The following NKTR variants were observed in gnomAD, a reference collection of about 807,000 sequenced individuals.
NKTR encodes NK-tumor recognition protein.
A neutral mutation model predicts 156.3 loss-of-function variants in NKTR; 67 were observed. The ratio of observed to expected loss-of-function variants is 0.43; its 90% CI spans 0.35 to 0.53. NKTR has a LOEUF of 0.53. NKTR is among the 20% of genes least tolerant of loss of function. The pLI is 0.01. For missense variants in NKTR, 1,604 were observed against 1,730.9 expected (o/e 0.93, Z 1.30); for synonymous variants, 640 against 596.6 (o/e 1.07, Z -1.06).
rs749415788 is a variant in NKTR, at chr3:42,631,135, T to C, written c.405-36T>C. ...TTGATTACTGTTTATAGCTTAATTATCAAACCAGTTGTTTCTTGAATTTGT... is the reference window on the plus strand; with the variant it reads ...TTGATTACTGTTTATAGCTTAATTACCAAACCAGTTGTTTCTTGAATTTGT... On this transcript the variant is annotated intron_variant, in intron 7 of 16. Coordinates refer to ENST00000232978, the MANE Select transcript of NKTR (RefSeq NM_005385.4). 16 of 1,610,112 alleles carry C rather than the reference T, an allele frequency of 9.9e-6. No individual in the cohort carries two copies. The South Asian group carries it at 1.5e-4, about 16-fold the overall frequency.
chr3:42,643,845 G>A (rs1028549562), intron 15 of NKTR, 57 bp from the exon 16 acceptor site: 1 of 1,216,110 alleles, frequency 8.2e-7, no homozygotes, highest in Non-Finnish European at 1.2e-6. Flanking sequence ...AAAAGAAATA[G>A]GAACATATGA....
intron 8 of NKTR, among the ~76,000 whole-genome samples, chr3:42,631,575 G>A (rs952143721): frequency 4.6e-5 from 7 of 152,090 alleles, no homozygotes; most frequent in South Asian, 2.1e-4. Context: ...CCTTGCCTCC[G>A]TTCTATAATC....
At chr3:42,610,804 A>C (rs1000616995) in intron 2 of NKTR, among the ~76,000 whole-genome samples, 1 of 152,158 alleles carries the variant, frequency 6.6e-6, no homozygotes, top group Admixed American at 6.5e-5. Context: ...GCTGTGCTCT[A>C]GAACAGTTGA....
chr3:42,631,016 T>G, intron 7 of NKTR, 155 bp from the exon 8 acceptor site: 1 of 1,415,620 alleles, frequency 7.1e-7, no homozygotes, highest in South Asian at 1.7e-5. Flanking sequence ...GAAGCAGATT[T>G]CAAGTTCTCA....
At chr3:42,614,499 C>T (rs1707159738) in intron 2 of NKTR, among the ~76,000 whole-genome samples, 2 of 151,304 alleles carry the variant, frequency 1.3e-5, no homozygotes, top group Admixed American at 1.3e-4. Context: ...ATAGAAGTAT[C>T]ATCACATGGT....
Position 42,636,739 on chromosome 3 carries a change from T to G in NKTR, c.1164-129T>G, listed in dbSNP as rs373002047. 2.1e-5 allele frequency: 28 copies of G among 1,313,272 alleles called. No homozygotes were observed. The East Asian group carries it at 6.4e-4, about 30-fold the overall frequency. The allele number at this position is 1,313,272 out of a possible 1,614,324, so 81.4% of individuals were successfully genotyped here. A position where few individuals can be genotyped will look rare whatever the true frequency, so the allele number is the denominator to read the frequency against. ...TATAACAAGACCAGGCCTATAACTC[T>G]GATTCACGCTTCCTGCGTGTGCTTA... On this transcript the variant is annotated intron_variant, in intron 12 of 16. Transcript: ENST00000232978.
intron 13 of NKTR, among the ~76,000 whole-genome samples, chr3:42,640,045 C>T (rs1709749867): frequency 6.6e-6 from 1 of 152,168 alleles, no homozygotes; most frequent in Non-Finnish European, 1.5e-5. Flanking sequence ...GAGGCTGCTT[C>T]TTGCCAGTCA....
At position 42,637,347 on chromosome 3, in the gene NKTR, G is replaced by T. The variant is rs751782057; in HGVS notation, c.1643G>T (p.Arg548Ile). ...ASKSSSHSRS[R>I]SKSRSSSKSG... ...AAGTCCTCATCACATTCTCGAAGTA[G>T]ATCAAAGTCCAGATCTAGTTCCAAG... The change falls in exon 13 of 17, where the codon AGA becomes ATA. Residue 548 changes from arginine (R) to isoleucine (I), a missense_variant. Around this residue, in one of 6 missense-constraint regions of NKTR, gnomAD observed 1,255 missense variants for 1,243.7 expected, o/e 1.01. Transcript: ENST00000232978. The T allele has an allele frequency of 1.2e-6, 2 of 1,614,058 alleles. No individual in the cohort carries two copies. The highest frequency in any genetic ancestry group is 1.7e-6 in the Non-Finnish European group (2 of 1,180,034).
In NKTR at chr3:42,639,415, A is replaced by G; in HGVS notation, c.3711A>G (p.Ala1237=). The G allele has an allele frequency of 6.2e-7, 1 of 1,614,130 alleles. No homozygotes were observed. Among genetic ancestry groups the G allele is most frequent in the Middle Eastern group, 1.6e-4 (1 of 6,062 alleles). The stretch of plus-strand genomic sequence containing the variant: ...TGCAAGGTGTGGGGAACCTGGCAGC[A>G]CCTAATGCTGCCACATCCAGTGCTG... ...KPLQGVGNLA[A]PNAATSSAVE... The change falls in exon 13 of 17, where the codon GCA becomes GCG. Residue 1237 remains alanine (A), a synonymous_variant. Transcript: ENST00000232978.
chr3:42,609,567 G>C (rs1410416475), intron 2 of NKTR, among the ~76,000 whole-genome samples: 1 of 152,188 alleles, frequency 6.6e-6, no homozygotes, highest in Non-Finnish European at 1.5e-5. Flanking sequence ...ACAACCTTCA[G>C]GATCATTTTG....
At chr3:42,613,454 C>G (rs752952525) in intron 2 of NKTR, among the ~76,000 whole-genome samples, 3 of 152,156 alleles carry the variant, frequency 2.0e-5, no homozygotes, top group Non-Finnish European at 2.9e-5. Flanking sequence ...TCACCCCTTG[C>G]TTGTAATTAA....
At chr3:42,633,818 G>A in intron 10 of NKTR, 83 bp downstream of exon 10, 1 of 1,451,970 alleles carries the variant, frequency 6.9e-7, no homozygotes, top group Non-Finnish European at 9.6e-7. Flanking sequence ...ACTCATGTAT[G>A]GAACATGATC....
In NKTR at chr3:42,610,594, A is replaced by ATT. The variant is rs149516815; in HGVS notation, c.59-6967_59-6966dup. Among the ~76,000 whole-genome samples, 4 of 148,118 alleles carry ATT rather than the reference A, an allele frequency of 2.7e-5. No homozygotes were observed. The South Asian group carries it at 6.4e-4, about 24-fold the overall frequency. On this transcript the variant is annotated intron_variant, in intron 2 of 16. Coordinates refer to ENST00000232978, the MANE Select transcript of NKTR (RefSeq NM_005385.4). The stretch of plus-strand genomic sequence containing the variant: ...GTGCACTTTTGGTTTCTATCGTGGG[A>ATT]TTTTTTTTTTCTATCATGGGATTTT...
chr3:42,620,241 A>T (rs1177328727), intron 5 of NKTR: 1 of 1,265,968 alleles, frequency 7.9e-7, no homozygotes, highest in Non-Finnish European at 9.9e-7. Flanking sequence ...CACATCAGAG[A>T]AAAGAGTCTA....
At chr3:42,634,868 GTGTT>G in intron 11 of NKTR, 168 bp downstream of exon 11, 1 of 534,438 alleles carries the variant, frequency 1.9e-6, no homozygotes, top group Non-Finnish European at 3.3e-6. Context: ...GTATACTGCT[GTGTT>G]TGAATGGGTT....
At chr3:42,612,733 CTG>C (rs1706963311) in intron 2 of NKTR, among the ~76,000 whole-genome samples, 1 of 152,128 alleles carries the variant, frequency 6.6e-6, no homozygotes, top group African/African-American at 2.4e-5. Flanking sequence ...AAATGGTAGA[CTG>C]TGCTCAGTTG....
At chr3:42,606,902 T>C (rs181745755) in intron 2 of NKTR, among the ~76,000 whole-genome samples, 13 of 152,106 alleles carry the variant, frequency 8.5e-5, no homozygotes, top group Admixed American at 2.0e-4. Flanking sequence ...ACTGCGTTGC[T>C]CATGCTGGAG....
intron 2 of NKTR, among the ~76,000 whole-genome samples, chr3:42,613,586 A>G (rs1707055757): frequency 6.6e-6 from 1 of 152,184 alleles, no homozygotes. Context: ...TCCTTTTTAA[A>G]CCATTGAATC....
At chr3:42,628,398 A>G in intron 6 of NKTR, 1 of 985,116 alleles carries the variant, frequency 1.0e-6, no homozygotes, top group South Asian at 4.7e-5. Context: ...CCATCCTCAA[A>G]TTGAGTCTCA....
Sources: allele counts gnomAD v4.1 joint callset (sites outside exome capture counted in the v4.1 genomes callset), GRCh38; gene constraint gnomAD v4.1.1; regional missense constraint gnomAD v4.1.1; transcripts MANE v1.5; gene names NCBI Gene and HGNC (gene_info 2026-07-23, HGNC 2026-07-21).